DDX19A: variants seen among roughly 807,000 people sequenced by gnomAD.
DDX19A encodes the protein DEAD-box helicase 19A.
Under a neutral mutation model 60.6 loss-of-function variants are expected in DDX19A, and 12 were observed. The observed-to-expected ratio is 0.20, with a 90% confidence interval of 0.13 to 0.32. DDX19A has a LOEUF of 0.32. DDX19A is among the 10% of genes least tolerant of loss of function. The pLI, the probability that DDX19A is intolerant of heterozygous loss-of-function variation, is 1.00. For missense variants in DDX19A, 337 were observed against 600.6 expected, an observed-to-expected ratio of 0.56 and a Z score of 4.59; for synonymous variants, 206 against 218.2, an observed-to-expected ratio of 0.94 and a Z score of 0.49.
chr16:70,367,353 G>A (rs1032773536), intron 9 of DDX19A, among the ~76,000 whole-genome samples: 2 of 150,586 alleles, frequency 1.3e-5, no homozygotes, highest in African/African-American at 2.4e-5. Context: ...GTGTGAACCC[G>A]GGAGGCAGAG....
At chr16:70,357,370 T>G (rs865816548) in intron 4 of DDX19A, among the ~76,000 whole-genome samples, 47 of 31,008 alleles carry the variant, frequency 1.5e-3, no homozygotes, top group South Asian at 9.3e-3. Context: ...TGGTTTGTTT[T>G]TTTTTTTTTT....
At chr16:70,369,481 A>G (rs1026085531) in intron 9 of DDX19A, among the ~76,000 whole-genome samples, 1 of 151,754 alleles carries the variant, frequency 6.6e-6, no homozygotes, top group Non-Finnish European at 1.5e-5. Flanking sequence ...CCTGGCCCCC[A>G]GGGTAGTCTT....
intron 2 of DDX19A, 119 bp downstream of exon 2, chr16:70,350,724 G>A: frequency 1.4e-6 from 1 of 717,414 alleles, no homozygotes; most frequent in South Asian, 2.2e-5. Context: ...TTACAAGCCA[G>A]TGAATTAGAT....
At chr16:70,356,529 T>A (rs1964190209) in intron 4 of DDX19A, among the ~76,000 whole-genome samples, 1 of 151,982 alleles carries the variant, frequency 6.6e-6, no homozygotes, top group African/African-American at 2.4e-5. Flanking sequence ...GCTAATTTTT[T>A]GTATTTTTAG....
intron 10 of DDX19A, 69 bp from the exon 11 acceptor site, chr16:70,371,303 A>C: frequency 6.2e-7 from 1 of 1,613,832 alleles, no homozygotes; most frequent in East Asian, 2.2e-5. Context: ...GCATTGACCT[A>C]CCTATGGATG....
At chr16:70,362,965 G>A (rs1964412906) in intron 5 of DDX19A, among the ~76,000 whole-genome samples, 1 of 148,066 alleles carries the variant, frequency 6.8e-6, no homozygotes, top group African/African-American at 2.5e-5. Flanking sequence ...AATGAGCCAA[G>A]ATTACACCAT....
intron 5 of DDX19A, among the ~76,000 whole-genome samples, chr16:70,362,099 C>T (rs1369866172): frequency 4.0e-5 from 6 of 150,808 alleles, no homozygotes; most frequent in South Asian, 2.1e-4. Context: ...TGCTTGAACC[C>T]GGGAGGCAGA....
chr16:70,353,791 C>T (rs978755140), intron 2 of DDX19A, among the ~76,000 whole-genome samples: 3 of 151,396 alleles, frequency 2.0e-5, no homozygotes, highest in Non-Finnish European at 2.9e-5. Context: ...GTCCCAGCTA[C>T]TCGGGAGGCT....
At position 70,356,312 on chromosome 16, in the gene DDX19A, T is replaced by G; in HGVS notation, c.293+65T>G. On this transcript the variant is annotated intron_variant, in intron 4 of 11. Coordinates refer to ENST00000302243, the MANE Select transcript of DDX19A (RefSeq NM_018332.5). ...CTCTCCCCACATAAAACTTAGCATC[T>G]GAGAGATTCTTGTGAGAATTTTACT... 1.9e-6 allele frequency: 3 copies of G among 1,575,106 alleles called. No individual in the cohort carries two copies. In the South Asian group the frequency reaches 3.5e-5, roughly 18 times the overall value.
intron 9 of DDX19A, 150 bp downstream of exon 9, chr16:70,367,011 A>G: frequency 1.1e-6 from 1 of 906,812 alleles, no homozygotes; most frequent in East Asian, 2.4e-5. Context: ...AGTGGGGGTA[A>G]TGGTAGTATC....
chr16:70,357,538 A>G (rs1256321862), intron 4 of DDX19A, among the ~76,000 whole-genome samples: 1 of 151,368 alleles, frequency 6.6e-6, no homozygotes, highest in African/African-American at 2.4e-5. Flanking sequence ...GGCGTGTGCC[A>G]CAACACCCAG....
At chr16:70,370,976 CAA>C (rs979546767) in intron 10 of DDX19A, 4 of 292,732 alleles carry the variant, frequency 1.4e-5, no homozygotes, top group African/African-American at 2.2e-5. Context: ...GCCTGGGCAA[CAA>C]GAGCGAAACT....
At chr16:70,366,318 C>T in intron 8 of DDX19A, 56 bp downstream of exon 8, 1 of 1,608,618 alleles carries the variant, frequency 6.2e-7, no homozygotes, top group Non-Finnish European at 8.5e-7. Context: ...GTGTCTTCTC[C>T]CTTCACTTCA....
rs372426074 is a variant in DDX19A at position 70,357,812 on chromosome 16, A to T, written c.293+1565A>T. On this transcript the variant is annotated intron_variant, in intron 4 of 11. Transcript: ENST00000302243. Reference sequence around the variant, plus strand: ...CTTATTATTCTTGCTGCCTGCCAGGATCACAATCATAGAAAGTAGCTGATG... The same window carrying T: ...CTTATTATTCTTGCTGCCTGCCAGGTTCACAATCATAGAAAGTAGCTGATG... Among the ~76,000 whole-genome samples, 11 of 152,090 alleles carry T rather than the reference A, an allele frequency of 7.2e-5. No individual in the cohort carries two copies. The East Asian group carries it at 2.1e-3, about 29-fold the overall frequency.
intron 4 of DDX19A, among the ~76,000 whole-genome samples, chr16:70,359,253 CTT>C (rs1964304781): frequency 6.6e-6 from 1 of 152,206 alleles, no homozygotes; most frequent in Non-Finnish European, 1.5e-5. Flanking sequence ...AAGGTAGTGA[CTT>C]TGTTTCCTTG....
At chr16:70,350,867 ATTT>A (rs1963990151) in intron 2 of DDX19A, among the ~76,000 whole-genome samples, 1 of 150,082 alleles carries the variant, frequency 6.7e-6, no homozygotes. Context: ...TTATTTATTT[ATTT>A]ATTTATTTAT....
At chr16:70,354,236 C>G (rs1346544919) in intron 2 of DDX19A, among the ~76,000 whole-genome samples, 1 of 152,060 alleles carries the variant, frequency 6.6e-6, no homozygotes, top group Non-Finnish European at 1.5e-5. Context: ...ACCTCCGCCT[C>G]CCAGGTTCAA....
At chr16:70,366,520 C>A in intron 8 of DDX19A, 104 bp from the exon 9 acceptor site, 1 of 1,482,568 alleles carries the variant, frequency 6.7e-7, no homozygotes. Flanking sequence ...ATGCTCCTCC[C>A]CCATCAGCCT....
intron 2 of DDX19A, among the ~76,000 whole-genome samples, chr16:70,354,656 T>A (rs1402655426): frequency 1.3e-5 from 2 of 150,502 alleles, no homozygotes; most frequent in Non-Finnish European, 3.0e-5. Context: ...AAATTTAAAA[T>A]TTTTCACCAG....
Sources: allele counts gnomAD v4.1 joint callset (sites outside exome capture counted in the v4.1 genomes callset), GRCh38; gene constraint gnomAD v4.1.1; transcripts MANE v1.5; gene names NCBI Gene and HGNC (gene_info 2026-07-23, HGNC 2026-07-21).